The following OTOF variants were observed in gnomAD, a reference collection of about 807,000 sequenced individuals.
OTOF encodes otoferlin, also known as fer-1-like family member 2.
In OTOF, 218 loss-of-function variants were observed where a neutral mutation model predicts 236.8. The ratio of observed to expected loss-of-function variants is 0.92; its 90% CI spans 0.82 to 1.03. The LOEUF is 1.03. Ranked by LOEUF, OTOF falls within the 50% of genes least tolerant of loss-of-function variation. The pLI is 0.00. For missense variants in OTOF, 2,590 were observed against 2,694.4 expected (o/e 0.96, Z 0.86); for synonymous variants, 1,041 against 1,072.5 (o/e 0.97, Z 0.57).
At chr2:26,549,564 T>A (rs1166946542) in intron 1 of OTOF, among the ~76,000 whole-genome samples, 1 of 152,236 alleles carries the variant, frequency 6.6e-6, no homozygotes, top group African/African-American at 2.4e-5. Flanking sequence ...GGAGGCCCCA[T>A]GGAACTCTAA....
chr2:26,518,661 T>C (rs751062373), intron 4 of OTOF, among the ~76,000 whole-genome samples: 1 of 152,246 alleles, frequency 6.6e-6, no homozygotes. Context: ...AGAGTGAAGG[T>C]CATGCCCTCG....
intron 1 of OTOF, among the ~76,000 whole-genome samples, chr2:26,545,658 C>T (rs1481459385): frequency 6.6e-6 from 1 of 152,092 alleles, no homozygotes; most frequent in African/African-American, 2.4e-5. Flanking sequence ...TCTATATTTT[C>T]TTCTAGAAGC....
chr2:26,460,091 G>GAGC lies in OTOF; in HGVS notation c.5925_5927dup (p.Leu1979dup). On this transcript the variant is annotated inframe_insertion, in exon 46 of 47. Transcript: ENST00000272371. This position sits in a 1 kb window ranked among gnomAD's most constrained non-coding sequence, Gnocchi z 5.3. ...AGTAGAGGAACAGGGCGAGGAGGAGGAGCAGCAGCAGGAGCAGCAACAGTT... is the reference window on the plus strand; with the variant it reads ...AGTAGAGGAACAGGGCGAGGAGGAGGAGCAGCAGCAGCAGGAGCAGCAACAGTT... 1 of 1,580,372 alleles carries GAGC rather than the reference G, an allele frequency of 6.3e-7. No individual in the cohort carries two copies. The highest frequency in any genetic ancestry group is 2.3e-5 in the East Asian group (1 of 43,722).
At chr2:26,527,767 C>T (rs1467002888) in intron 3 of OTOF, 65 bp downstream of exon 3, 3 of 1,173,272 alleles carry the variant, frequency 2.6e-6, no homozygotes, top group Middle Eastern at 3.8e-4. Context: ...AGAGGGTAGC[C>T]CAAGGAGAAG....
At chr2:26,555,652 T>C (rs148533197) in intron 1 of OTOF, among the ~76,000 whole-genome samples, 3 of 151,998 alleles carry the variant, frequency 2.0e-5, no homozygotes, top group Non-Finnish European at 4.4e-5. Flanking sequence ...CTGCGGAACA[T>C]CTCAGCAGAG....
At chr2:26,509,080 G>T (rs1558505794) in intron 5 of OTOF, among the ~76,000 whole-genome samples, 1 of 152,182 alleles carries the variant, frequency 6.6e-6, no homozygotes, top group Non-Finnish European at 1.5e-5. Context: ...CAGTCAAAGG[G>T]ATCAGGCCAG....
chr2:26,509,386 A>G (rs937865777), intron 5 of OTOF, among the ~76,000 whole-genome samples: 1 of 152,144 alleles, frequency 6.6e-6, no homozygotes, highest in Non-Finnish European at 1.5e-5. Flanking sequence ...GAACCTGGCA[A>G]ACTCCTCCAT....
At chr2:26,516,874 C>T (rs1190644518) in intron 4 of OTOF, among the ~76,000 whole-genome samples, 2 of 152,174 alleles carry the variant, frequency 1.3e-5, no homozygotes, top group African/African-American at 4.8e-5. Context: ...GTGGAGGGGC[C>T]TGGCCTGCCC....
At chr2:26,469,428 C>A (rs1664880885) in intron 32 of OTOF, among the ~76,000 whole-genome samples, 1 of 152,334 alleles carries the variant, frequency 6.6e-6, no homozygotes, top group African/African-American at 2.4e-5. Context: ...ACAAGTTTTG[C>A]TGAGCACACA....
Position 26,460,870 on chromosome 2 carries a change from G to A in OTOF, c.5694C>T (p.Asn1898=), listed in dbSNP as rs1318486079. 4 of 1,613,996 alleles carry A rather than the reference G, an allele frequency of 2.5e-6. No individual in the cohort carries two copies. The highest frequency in any genetic ancestry group is 1.7e-5 in the Admixed American group (1 of 60,010). The change falls in exon 44 of 47, where the codon AAC becomes AAT. Residue 1898 remains asparagine, a synonymous_variant. Transcript: ENST00000272371. The surrounding 1 kb of genome is among the most constrained non-coding windows in gnomAD (Gnocchi z 5.3). ...GWWPLLARNE[N]DEFELTGKVE... is the part of the protein sequence containing the mutation. ...TGCGCACCGTGAGCTCAAACTCATC[G>A]TTCTCATTGCGGGCCAGGAGGGGCC...
chr2:26,555,069 G>A (rs370190290), intron 1 of OTOF, among the ~76,000 whole-genome samples: 5 of 152,128 alleles, frequency 3.3e-5, no homozygotes, highest in East Asian at 3.9e-4. Context: ...GAAGAACTTC[G>A]GGACCCTTCA....
chr2:26,531,851 TGGGA>T (rs1666955754), intron 2 of OTOF, among the ~76,000 whole-genome samples: 2 of 152,038 alleles, frequency 1.3e-5, no homozygotes, highest in Non-Finnish European at 2.9e-5. Flanking sequence ...CACAGCATTT[TGGGA>T]GGCCAAAGTG....
chr2:26,473,215 A>G lies in OTOF; in HGVS notation c.3650T>C (p.Leu1217Pro). ...GGAGCTGACGGCATGGGAGCCCACC[A>G]GTGTGTAGCGACCGAAGGCCCGGCA... ...VDCRAFGRYT[L>P]VGSHAVSSLR... The change falls in exon 29 of 47, where the codon CTG (leucine) becomes CCG (proline). Residue 1217 changes from leucine to proline, a missense_variant. Leu to Pro is a moderately conservative substitution (Grantham distance 98). Coordinates refer to ENST00000272371, the MANE Select transcript of OTOF (RefSeq NM_194248.3). The surrounding 1 kb of genome is among the most constrained non-coding windows in gnomAD (Gnocchi z 7.2). 1 of 1,613,244 alleles carries G rather than the reference A, an allele frequency of 6.2e-7. No homozygotes were observed. Among genetic ancestry groups the G allele is most frequent in the Non-Finnish European group, 8.5e-7 (1 of 1,179,982 alleles).
rs147070644 is a variant in OTOF at position 26,464,029 on chromosome 2, G to A, written c.5038C>T (p.Arg1680Cys). ...GTCTCCACATGCTCTGGCACCAGGC[G>A]GCAGCCTGCGCGGGGGATGTCCTCC... ...HWEDIPRAGC[R>C]LVPEHVETRP... Residue 1680 changes from arginine (R) to cysteine (C), a missense_variant, in exon 40 of 47, where the codon CGC (arginine) becomes TGC (cysteine). By Grantham distance (180) the Arg-to-Cys change is radical. Transcript: ENST00000272371. 1,023 of 1,613,580 alleles carry A rather than the reference G, an allele frequency of 6.3e-4. No homozygotes were observed. The highest frequency in any genetic ancestry group is 8.2e-4 in the Non-Finnish European group (973 of 1,180,012).
chr2:26,546,297 C>A (rs540918219), intron 1 of OTOF, among the ~76,000 whole-genome samples: 24 of 152,114 alleles, frequency 1.6e-4, no homozygotes, highest in East Asian at 5.8e-4. Context: ...CTCGTCTCTA[C>A]TGAAAATACA....
At position 26,489,653 on chromosome 2, in the gene OTOF, C is replaced by T. The variant is rs139859221; in HGVS notation, c.960+25G>A. 8.2e-4 allele frequency: 1,319 copies of T among 1,599,684 alleles called. 7 individuals are homozygous for T. The highest frequency in any genetic ancestry group is 7.8e-3 in the African/African-American group (580 of 74,736). ...GTGCAGTTTGAGGGAGTGGCCCTGC[C>T]GGCCAGGGGCTGCTCCCCACTCACC... On this transcript the variant is annotated intron_variant, in intron 10 of 46. Coordinates refer to ENST00000272371, the MANE Select transcript of OTOF (RefSeq NM_194248.3).
At chr2:26,464,152 A>G (rs1397957706) in intron 39 of OTOF, 46 bp from the exon 40 acceptor site, 2 of 1,609,816 alleles carry the variant, frequency 1.2e-6, no homozygotes, top group South Asian at 1.1e-5. Flanking sequence ...CAGCAGAACC[A>G]GAAGACCTTT....
intron 2 of OTOF, among the ~76,000 whole-genome samples, chr2:26,531,387 A>ATGG (rs550186368): frequency 2.6e-5 from 4 of 152,078 alleles, no homozygotes; most frequent in South Asian, 2.1e-4. Flanking sequence ...CATCTGTGAA[A>ATGG]AGAGGGGGGT....
At chr2:26,480,353 G>C (rs781678198) in intron 15 of OTOF, 42 bp from the exon 16 acceptor site, 2 of 1,251,132 alleles carry the variant, frequency 1.6e-6, no homozygotes, top group South Asian at 2.4e-5. Context: ...CTTGAGTAAG[G>C]GTGGCAGGTC....
Sources: gnomAD v4.1 joint callset for allele counts (sites outside exome capture counted in the v4.1 genomes callset) on GRCh38, gnomAD v4.1.1 for gene constraint, Gnocchi (gnomAD v3.1) non-coding constraint, MANE v1.5 for transcripts, NCBI Gene and HGNC (gene_info 2026-07-23, HGNC 2026-07-21) for gene names.